The following ELF1 variants were observed in gnomAD, a reference collection of about 807,000 sequenced individuals.
ELF1 encodes the protein E74 like ETS transcription factor 1.
In ELF1, 24 loss-of-function variants were observed where a neutral mutation model predicts 59.9. The observed-to-expected ratio is 0.40, with a 90% CI of 0.29 to 0.56. ELF1 has a LOEUF of 0.56. ELF1 is among the 20% of genes least tolerant of loss of function. ELF1 has a pLI of 0.44. For missense variants in ELF1, 627 were observed against 742.2 expected (o/e 0.84, Z 1.80); for synonymous variants, 248 against 266.2 (o/e 0.93, Z 0.67).
At chr13:40,955,887 C>A in intron 3 of ELF1, among the ~76,000 whole-genome samples, 3 of 134,322 alleles carry the variant, frequency 2.2e-5, no homozygotes, top group African/African-American at 8.1e-5. Context: ...GCCACCCCAT[C>A]CAGGAGGGAG....
chr13:40,996,780 CTT>C (rs200371459), intron 1 of ELF1, among the ~76,000 whole-genome samples: 1 of 146,020 alleles, frequency 6.8e-6, no homozygotes, highest in East Asian at 2.0e-4. Context: ...AAAATAAAGT[CTT>C]TTTTTTTTTT....
chr13:40,998,868 G>A (rs2138327276), intron 1 of ELF1, among the ~76,000 whole-genome samples: 1 of 152,280 alleles, frequency 6.6e-6, no homozygotes, highest in East Asian at 1.9e-4. Context: ...CCAACGTGAT[G>A]AAATCCTATC....
rs1482345205 is a variant in ELF1, at chr13:40,943,218, T to C, written c.614-74A>G. On this transcript the variant is annotated intron_variant, in intron 6 of 8. Transcript: ENST00000239882. ...GAACCTCAAAAAAGACAACTAAAAG[T>C]CTTAGAAGTGCCATTTATATTTATA... The C allele has an allele frequency of 4.7e-6, 6 of 1,280,030 alleles. No homozygotes were observed. In the East Asian group the frequency reaches 7.2e-5, roughly 15 times the overall value. 79.3% of individuals were successfully genotyped at this position (1,280,030 alleles called of 1,614,324 possible).
intron 1 of ELF1, among the ~76,000 whole-genome samples, chr13:41,012,516 CTAAGTT>C (rs1279519721): frequency 2.0e-5 from 3 of 146,692 alleles, no homozygotes; most frequent in African/African-American, 7.5e-5. Context: ...TTTGACTATT[CTAAGTT>C]TGATTTTTTT....
intron 1 of ELF1, among the ~76,000 whole-genome samples, chr13:41,015,282 A>G (rs1485230171): frequency 6.6e-6 from 1 of 152,112 alleles, no homozygotes; most frequent in African/African-American, 2.4e-5. Flanking sequence ...TCGGGGGTGG[A>G]TCAGAGAAAA....
chr13:40,949,895 A>C lies in ELF1; in HGVS notation c.440T>G (p.Ile147Ser), dbSNP rs1398563263. ...CTGCTGTGTTTCCATCACTTCAGGA[A>C]TCCCATCTAATGTGACGGACACATG... ...VTHVSVTLDG[I>S]PEVMETQQVQ... The change falls in exon 5 of 9, where the codon ATT (isoleucine) becomes AGT (serine). Residue 147 changes from isoleucine (I) to serine (S), a missense_variant. Around this residue, in one of 3 missense-constraint regions of ELF1, gnomAD observed 232 missense variants for 269.2 expected, o/e 0.86. Coordinates refer to ENST00000239882, the MANE Select transcript of ELF1 (RefSeq NM_172373.4). 6.2e-7 allele frequency: 1 copy of C among 1,614,156 alleles called. No individual in the cohort carries two copies. Among genetic ancestry groups the C allele is most frequent in the Non-Finnish European group, 8.5e-7 (1 of 1,180,014 alleles).
At chr13:41,049,087 C>T (rs1876981274) in intron 1 of ELF1, among the ~76,000 whole-genome samples, 1 of 152,188 alleles carries the variant, frequency 6.6e-6, no homozygotes, top group Non-Finnish European at 1.5e-5. Flanking sequence ...TTCTGGACTA[C>T]TCTTTCTCAG....
chr13:40,936,459 A>T (rs746601625), intron 8 of ELF1, among the ~76,000 whole-genome samples: 6 of 152,146 alleles, frequency 3.9e-5, no homozygotes, highest in Non-Finnish European at 8.8e-5. Context: ...TTAGAAAAAG[A>T]TGTCCTTTTC....
At chr13:41,030,936 G>GA (rs941496003) in intron 1 of ELF1, among the ~76,000 whole-genome samples, 1 of 151,834 alleles carries the variant, frequency 6.6e-6, no homozygotes, top group African/African-American at 2.4e-5. Context: ...TGAAGCAGGT[G>GA]AATCACTTGA....
rs1164173230 is a variant in ELF1, at chr13:40,941,314, T to C, written c.863A>G (p.Gln288Arg). Residue 288 changes from glutamine to arginine, a missense_variant, in exon 8 of 9, where the codon CAG becomes CGG. Physicochemically the swap from Gln to Arg is conservative, Grantham distance 43. Coordinates refer to ENST00000239882, the MANE Select transcript of ELF1 (RefSeq NM_172373.4). ...AAGATCTTTTGGCATTTCTTTAAACTGATACACCAAGCGCTGACCTTCCAC... is the reference window on the plus strand; with the variant it reads ...AAGATCTTTTGGCATTTCTTTAAACCGATACACCAAGCGCTGACCTTCCAC... ...AKVEGQRLVY[Q>R]FKEMPKDLIY... The C allele has an allele frequency of 1.2e-6, 2 of 1,613,548 alleles. No individual in the cohort carries two copies. Among genetic ancestry groups the C allele is most frequent in the Non-Finnish European group, 1.7e-6 (2 of 1,179,918 alleles).
chr13:41,026,372 C>A (rs1172634539), intron 1 of ELF1, among the ~76,000 whole-genome samples: 2 of 152,156 alleles, frequency 1.3e-5, no homozygotes, highest in East Asian at 3.8e-4. Flanking sequence ...GAGTGTTACT[C>A]CGGCCCAATT....
chr13:40,948,212 C>A (rs971125415), intron 5 of ELF1, among the ~76,000 whole-genome samples: 3 of 152,180 alleles, frequency 2.0e-5, no homozygotes, highest in African/African-American at 7.2e-5. Flanking sequence ...AACATGTGAT[C>A]CAGCCATTCC....
chr13:40,993,361 G>A, intron 1 of ELF1: 2 of 1,136,716 alleles, frequency 1.8e-6, no homozygotes, highest in Non-Finnish European at 2.7e-6. Flanking sequence ...TTAGCCAGTT[G>A]CCTGCAGGTG....
chr13:40,942,820 C>T, intron 7 of ELF1, 132 bp downstream of exon 7: 3 of 976,622 alleles, frequency 3.1e-6, no homozygotes, highest in Admixed American at 3.5e-5. Flanking sequence ...CCGCACCTGA[C>T]TGAAAATGTA....
At chr13:41,002,955 TAAGTA>T (rs983913355) in intron 1 of ELF1, among the ~76,000 whole-genome samples, 5 of 152,202 alleles carry the variant, frequency 3.3e-5, no homozygotes, top group South Asian at 2.1e-4. Flanking sequence ...AAAAGAATAT[TAAGTA>T]AAGTGTATAT....
At chr13:41,000,322 G>T (rs1260465026) in intron 1 of ELF1, among the ~76,000 whole-genome samples, 1 of 119,584 alleles carries the variant, frequency 8.4e-6, no homozygotes, top group Non-Finnish European at 1.6e-5. Context: ...ATTATCTCCA[G>T]CAATTCTCCC....
chr13:40,967,138 C>G (rs1872225155), intron 2 of ELF1, among the ~76,000 whole-genome samples: 1 of 152,256 alleles, frequency 6.6e-6, no homozygotes. Flanking sequence ...TATGAAGACA[C>G]TGCTTTGAGG....
At chr13:41,038,809 A>G (rs1876488561) in intron 1 of ELF1, among the ~76,000 whole-genome samples, 1 of 151,938 alleles carries the variant, frequency 6.6e-6, no homozygotes, top group African/African-American at 2.4e-5. Flanking sequence ...TGTGGTCAGG[A>G]GTTCAAAACC....
At chr13:40,996,365 T>C (rs934860986) in intron 1 of ELF1, among the ~76,000 whole-genome samples, 4 of 152,232 alleles carry the variant, frequency 2.6e-5, no homozygotes, top group Non-Finnish European at 4.4e-5. Context: ...CATGGATGTT[T>C]ACAGCAGCTT....
Sources: gnomAD v4.1 joint callset for allele counts (sites outside exome capture counted in the v4.1 genomes callset) on GRCh38, gnomAD v4.1.1 for gene constraint, gnomAD v4.1.1 regional missense constraint, MANE v1.5 for transcripts, NCBI Gene and HGNC (gene_info 2026-07-23, HGNC 2026-07-21) for gene names.